Variants in IQCJ observed in about 807,000 individuals in gnomAD.
The protein encoded by IQCJ is IQ motif containing J.
Under a neutral mutation model 11.0 loss-of-function variants are expected in IQCJ, and 9 were observed. That is an observed-to-expected ratio of 0.82 (90% confidence interval 0.49 to 1.43). The LOEUF is 1.43. IQCJ is among the 40% of genes most tolerant of loss of function. IQCJ has a pLI of 0.00. For synonymous variants in IQCJ, 55 were observed against 51.3 expected (o/e 1.07, Z -0.31); for missense variants, 146 against 133.2 (o/e 1.10, Z -0.47).
At chr3:159,234,051 C>T (rs1246132286) in intron 1 of IQCJ, among the ~76,000 whole-genome samples, 1 of 152,082 alleles carries the variant, frequency 6.6e-6, no homozygotes, top group African/African-American at 2.4e-5. Context: ...GGTGTAAGTC[C>T]CAAGTCATTC....
chr3:159,187,232 T>C (rs759940065), intron 1 of IQCJ, among the ~76,000 whole-genome samples: 10 of 152,222 alleles, frequency 6.6e-5, no homozygotes, highest in Non-Finnish European at 1.2e-4. Context: ...AAAAGGCTAT[T>C]GCCTCTGAGG....
intron 1 of IQCJ, among the ~76,000 whole-genome samples, chr3:159,159,082 C>G (rs1469987486): frequency 6.6e-6 from 1 of 152,102 alleles, no homozygotes; most frequent in Non-Finnish European, 1.5e-5. Context: ...AAGGAAAACC[C>G]CTTTGTTGTA....
chr3:159,216,393 T>G (rs1252995844), intron 1 of IQCJ, among the ~76,000 whole-genome samples: 1 of 152,206 alleles, frequency 6.6e-6, no homozygotes, highest in Non-Finnish European at 1.5e-5. Flanking sequence ...TCTTTTCAGA[T>G]GCTTCTGCAT....
At chr3:159,084,980 A>G (rs1716611766) in intron 1 of IQCJ, among the ~76,000 whole-genome samples, 2 of 151,726 alleles carry the variant, frequency 1.3e-5, no homozygotes, top group African/African-American at 2.4e-5. Context: ...GGTTAGTTAC[A>G]TATGTATACA....
chr3:159,092,592 G>GA (rs1255862379), intron 1 of IQCJ, among the ~76,000 whole-genome samples: 2 of 151,396 alleles, frequency 1.3e-5, no homozygotes, highest in Non-Finnish European at 2.9e-5. Context: ...CAGCTACTCG[G>GA]GAGGCTGAGG....
chr3:159,224,905 A>C (rs576415360), intron 1 of IQCJ, among the ~76,000 whole-genome samples: 1 of 152,310 alleles, frequency 6.6e-6, no homozygotes, highest in South Asian at 2.1e-4. Context: ...ACTGGCAAGG[A>C]TGCAGAGAAA....
chr3:159,164,979 T>C (rs1425182746), intron 1 of IQCJ, among the ~76,000 whole-genome samples: 1 of 152,230 alleles, frequency 6.6e-6, no homozygotes, highest in Non-Finnish European at 1.5e-5. Context: ...CACATCTTTA[T>C]TTTAGGCAGC....
intron 1 of IQCJ, among the ~76,000 whole-genome samples, chr3:159,221,347 C>T (rs562082264): frequency 1.3e-5 from 2 of 152,150 alleles, no homozygotes; most frequent in South Asian, 4.1e-4. Context: ...AAGTTCCAGG[C>T]CTCATTCGTT....
At chr3:159,252,885 A>G (rs1727685438) in intron 3 of IQCJ, 78 bp downstream of exon 3, 3 of 1,406,446 alleles carry the variant, frequency 2.1e-6, no homozygotes, top group Non-Finnish European at 2.9e-6. Flanking sequence ...ATTTTCGGGC[A>G]CAACAGTTAT....
At chr3:159,264,563 G>A (rs1481291180), downstream of IQCJ, among the ~76,000 whole-genome samples, 1 of 152,132 alleles carries the variant, frequency 6.6e-6, no homozygotes, top group East Asian at 1.9e-4. Flanking sequence ...TCATCCTTTA[G>A]CTCTGTGCTC....
chr3:159,094,400 G>A (rs1250522178), intron 1 of IQCJ, among the ~76,000 whole-genome samples: 1 of 133,442 alleles, frequency 7.5e-6, no homozygotes, highest in African/African-American at 2.9e-5. Flanking sequence ...TTAATTCTCT[G>A]CAGTTTTTTG....
intron 1 of IQCJ, among the ~76,000 whole-genome samples, chr3:159,071,045 A>T (rs1715530466): frequency 6.6e-6 from 1 of 152,042 alleles, no homozygotes; most frequent in South Asian, 2.1e-4. Flanking sequence ...AATGAATATT[A>T]TTAAGGTCAG....
At chr3:159,153,938 C>A (rs1250179869) in intron 1 of IQCJ, among the ~76,000 whole-genome samples, 2 of 152,186 alleles carry the variant, frequency 1.3e-5, no homozygotes, top group Non-Finnish European at 2.9e-5. Context: ...CTCTTGGAAG[C>A]TTAGTCTGAG....
At chr3:159,164,775 C>G (rs1041982697) in intron 1 of IQCJ, among the ~76,000 whole-genome samples, 1 of 152,026 alleles carries the variant, frequency 6.6e-6, no homozygotes, top group Non-Finnish European at 1.5e-5. Flanking sequence ...CCCCTCCCCC[C>G]CAAAAAAGAG....
chr3:159,213,319 G>A (rs1283718239), intron 1 of IQCJ, among the ~76,000 whole-genome samples: 7 of 152,256 alleles, frequency 4.6e-5, no homozygotes, highest in South Asian at 2.1e-4. Context: ...TTGTCTCCAC[G>A]GGTGCTGACA....
intron 1 of IQCJ, among the ~76,000 whole-genome samples, chr3:159,163,172 C>G (rs976883414): frequency 2.6e-5 from 4 of 152,170 alleles, no homozygotes; most frequent in Admixed American, 6.5e-5. Flanking sequence ...CAAAAATCCT[C>G]AATAAAATAG....
intron 1 of IQCJ, among the ~76,000 whole-genome samples, chr3:159,174,416 T>G (rs1722661295): frequency 6.6e-6 from 1 of 152,138 alleles, no homozygotes; most frequent in Admixed American, 6.6e-5. Context: ...AAAAAATTAA[T>G]GTACACAGGA....
At chr3:159,210,175 G>A (rs1018515864) in intron 1 of IQCJ, among the ~76,000 whole-genome samples, 4 of 152,262 alleles carry the variant, frequency 2.6e-5, no homozygotes, top group South Asian at 2.1e-4. Flanking sequence ...GGAGTGCCTC[G>A]TCTGTAGGGA....
intron 1 of IQCJ, among the ~76,000 whole-genome samples, chr3:159,101,921 G>T (rs961696327): frequency 3.9e-5 from 6 of 152,214 alleles, no homozygotes; most frequent in Admixed American, 3.3e-4. Flanking sequence ...ACAATTTCAT[G>T]TATCTGCTAT....
Sources: gnomAD v4.1 joint callset for allele counts (sites outside exome capture counted in the v4.1 genomes callset) on GRCh38, gnomAD v4.1.1 for gene constraint, MANE v1.5 for transcripts, NCBI Gene and HGNC (gene_info 2026-07-23, HGNC 2026-07-21) for gene names.